MED16: variants seen among roughly 807,000 people sequenced by gnomAD.
MED16 encodes mediator of RNA polymerase II transcription subunit 16.
In MED16, 81 loss-of-function variants were observed where a neutral mutation model predicts 84.4. The ratio of observed to expected loss-of-function variants is 0.96; its 90% CI spans 0.80 to 1.15. MED16 has a LOEUF of 1.15. MED16 is among the 50% of genes most tolerant of loss of function. The pLI, the probability that MED16 is intolerant of heterozygous loss-of-function variation, is 0.00. For synonymous variants in MED16, 897 were observed against 552.2 expected, an observed-to-expected ratio of 1.62 and a Z score of -8.76; for missense variants, 1,585 against 1,245.9, an observed-to-expected ratio of 1.27 and a Z score of -4.10.
At chr19:875,024 C>T (rs892551216) in intron 10 of MED16, among the ~76,000 whole-genome samples, 2 of 148,722 alleles carry the variant, frequency 1.3e-5, no homozygotes, top group East Asian at 2.0e-4. Context: ...ATCAGCCGGG[C>T]GTGGTGGCAC....
At position 871,914 on chromosome 19, in the gene MED16, G is replaced by A. The variant is rs533797832; in HGVS notation, c.2098+12C>T. The A allele has an allele frequency of 3.9e-6, 6 of 1,523,530 alleles. No homozygotes were observed. Among genetic ancestry groups the A allele is most frequent in the Non-Finnish European group, 4.4e-6 (5 of 1,143,802 alleles). The allele number at this position is 1,523,530 out of a possible 1,614,324, so 94.4% of individuals were successfully genotyped here. On this transcript the variant is annotated intron_variant, in intron 12 of 15. Transcript: ENST00000325464. The stretch of plus-strand genomic sequence containing the variant: ...AGCGGGGAGAGGGGAGGGGCGGGCG[G>A]GGGTGCCTCACAGCAGATCCAGAGC...
intron 9 of MED16, among the ~76,000 whole-genome samples, chr19:876,403 C>T (rs1177286394): frequency 1.3e-5 from 2 of 152,136 alleles, no homozygotes; most frequent in African/African-American, 2.4e-5. Flanking sequence ...TGAGGCCTCA[C>T]ACCACAGGGC....
rs528923158 is a variant in MED16 at position 875,802 on chromosome 19, C to A, written c.1561-348G>T. Among the ~76,000 whole-genome samples, 22 of 152,250 alleles carry A rather than the reference C, an allele frequency of 1.4e-4. No individual in the cohort carries two copies. In the South Asian group the frequency reaches 4.6e-3, roughly 32 times the overall value. On this transcript the variant is annotated intron_variant, in intron 9 of 15. Transcript: ENST00000325464. Reference sequence around the variant, plus strand: ...ACCCCCATCCCAGAGGCTGCTCCAGCCCCCGATGTCTGTGGTGCCTACGGG... The same window carrying A: ...ACCCCCATCCCAGAGGCTGCTCCAGACCCCGATGTCTGTGGTGCCTACGGG...
intron 8 of MED16, 74 bp from the exon 9 acceptor site, chr19:877,254 T>G: frequency 1.4e-6 from 2 of 1,447,210 alleles, no homozygotes; most frequent in African/African-American, 1.4e-5. Flanking sequence ...AATGGGGCCC[T>G]GGGGCTGCGG....
chr19:868,098 C>A lies in MED16; in HGVS notation c.*3G>T, dbSNP rs771376202. On this transcript the variant is annotated 3_prime_UTR_variant, in exon 16 of 16. Coordinates refer to ENST00000325464, the MANE Select transcript of MED16 (RefSeq NM_005481.3). Reference sequence around the variant, plus strand: ...CCACAAGGTCCGCCTGGACCCCCGGCCGTCACGGACGGTCCTCTGGATGCA... The same window carrying A: ...CCACAAGGTCCGCCTGGACCCCCGGACGTCACGGACGGTCCTCTGGATGCA... 1.2e-6 allele frequency: 2 copies of A among 1,600,514 alleles called. No individual in the cohort carries two copies. The highest frequency in any genetic ancestry group is 1.8e-5 in the Admixed American group (1 of 56,224).
rs2930895 is a variant in MED16, at chr19:893,080, A to G, written c.-19+6T>C. Reference sequence around the variant, plus strand: ...CCTCGCCGGGCCCCCGCAGCCCCGCACTCACCTGGTCGGCCCGTGCGCCAA... The same window carrying G: ...CCTCGCCGGGCCCCCGCAGCCCCGCGCTCACCTGGTCGGCCCGTGCGCCAA... On this transcript the variant is annotated splice_donor_region_variant and intron_variant, in intron 1 of 15. Coordinates refer to ENST00000325464, the MANE Select transcript of MED16 (RefSeq NM_005481.3). The G allele has an allele frequency of 0.47, 71,340 of 152,306 alleles. 17,795 individuals carry two copies. Among genetic ancestry groups the G allele is most frequent in the Non-Finnish European group, 0.55 (37,406 of 68,028 alleles). The allele number at this position is 152,306 out of a possible 1,614,324, so 9.4% of individuals were successfully genotyped here.
Position 871,263 on chromosome 19 carries a change from G to A in MED16, c.2099-10C>T, listed in dbSNP as rs200174652. ...GGGCCCTCATCGCGACCTGCGGAGAGAGGTGGCGGAAGTCTCAGCACCCCT... is the reference window on the plus strand; with the variant it reads ...GGGCCCTCATCGCGACCTGCGGAGAAAGGTGGCGGAAGTCTCAGCACCCCT... On this transcript the variant is annotated splice_polypyrimidine_tract_variant and intron_variant, in intron 12 of 15. Coordinates refer to ENST00000325464, the MANE Select transcript of MED16 (RefSeq NM_005481.3). 12 of 1,528,482 alleles carry A rather than the reference G, an allele frequency of 7.9e-6. No individual in the cohort carries two copies. The African/African-American group carries it at 1.2e-4, about 16-fold the overall frequency. The allele number at this position is 1,528,482 out of a possible 1,614,324, so 94.7% of individuals were successfully genotyped here.
Position 886,189 on chromosome 19 carries a change from T to C in MED16, c.460A>G (p.Ser154Gly). ...ACTCGGGAGAACTTCTCCCCGAAGCTGGAGGCGCCCGACTGTGGAGAAGGG... is the reference window on the plus strand; with the variant it reads ...ACTCGGGAGAACTTCTCCCCGAAGCCGGAGGCGCCCGACTGTGGAGAAGGG... ...ALHVEKSGAS[S>G]FGEKFSRVKF... The change falls in exon 5 of 16, where the codon AGC becomes GGC. Residue 154 changes from serine (S) to glycine (G), a missense_variant. By Grantham distance (56) the Ser-to-Gly change is moderately conservative. Coordinates refer to ENST00000325464, the MANE Select transcript of MED16 (RefSeq NM_005481.3). The C allele has an allele frequency of 4.0e-6, 6 of 1,512,120 alleles. No homozygotes were observed. Among genetic ancestry groups the C allele is most frequent in the South Asian group, 1.3e-5 (1 of 78,656 alleles). 93.7% of individuals were successfully genotyped at this position (1,512,120 alleles called of 1,614,324 possible). A position where few individuals can be genotyped will look rare whatever the true frequency, so the allele number is the denominator to read the frequency against.
At chr19:890,473 C>T (rs1319583390) in intron 2 of MED16, 2 of 448,482 alleles carry the variant, frequency 4.5e-6, no homozygotes. Context: ...AAGAAAATGA[C>T]TCCGAAATGT....
rs562329796 is a variant in MED16 at position 868,538 on chromosome 19, G to A, written c.2400-39C>T. 2.4e-5 allele frequency: 38 copies of A among 1,602,752 alleles called. No homozygotes were observed. The African/African-American group carries it at 2.5e-4, about 11-fold the overall frequency. On this transcript the variant is annotated intron_variant, in intron 14 of 15. Coordinates refer to ENST00000325464, the MANE Select transcript of MED16 (RefSeq NM_005481.3). ...GGCACTGAGCGGGTTCCCACTTCCA[G>A]GCGGGCCTCCCTTACGCCTGCCCCA...
chr19:889,154 C>T (rs889646869), intron 4 of MED16, among the ~76,000 whole-genome samples: 2 of 142,182 alleles, frequency 1.4e-5, no homozygotes, highest in African/African-American at 5.6e-5. Flanking sequence ...TTAACTGTCC[C>T]CCCCAACCCT....
intron 2 of MED16, 179 bp from the exon 3 acceptor site, chr19:890,423 C>T: frequency 1.9e-6 from 1 of 515,756 alleles, no homozygotes; most frequent in Non-Finnish European, 3.4e-6. Context: ...ACAGAGCAGG[C>T]CTGTGAGGCG....
intron 13 of MED16, among the ~76,000 whole-genome samples, chr19:870,230 G>A (rs571149157): frequency 2.5e-4 from 38 of 152,278 alleles, no homozygotes; most frequent in African/African-American, 8.2e-4. Flanking sequence ...GGCTAAGGCA[G>A]GGCGCCCTGT....
chr19:887,370 TAAA>T (rs960212726), intron 4 of MED16, among the ~76,000 whole-genome samples: 23 of 152,066 alleles, frequency 1.5e-4, no homozygotes, highest in South Asian at 1.0e-3. Flanking sequence ...TTAATGTAAT[TAAA>T]AAACAAAAAT....
rs532764026 is a variant in MED16 at position 868,581 on chromosome 19, G to A, written c.2400-82C>T. 4 of 1,551,200 alleles carry A rather than the reference G, an allele frequency of 2.6e-6. No individual in the cohort carries two copies. In the South Asian group the frequency reaches 3.4e-5, roughly 13 times the overall value. ...CTGCCCCACTTTTGCTTCCAGGCAGGTCTCCCTCTGCTCGCCGTCCCTCAC... is the reference window on the plus strand; with the variant it reads ...CTGCCCCACTTTTGCTTCCAGGCAGATCTCCCTCTGCTCGCCGTCCCTCAC... On this transcript the variant is annotated intron_variant, in intron 14 of 15. Transcript: ENST00000325464.
rs866437536 is a variant in MED16 at position 873,000 on chromosome 19, T to G, written c.1905+449A>C. The G allele has an allele frequency of 6.3e-3, 518 of 82,000 alleles. 23 individuals carry two copies. The highest frequency in any genetic ancestry group is 0.021 in the Middle Eastern group (4 of 194). 5.1% of individuals were successfully genotyped at this position (82,000 alleles called of 1,614,324 possible). On this transcript the variant is annotated intron_variant, in intron 11 of 15. Transcript: ENST00000325464. ...TCCGAGGTGGGGGAGGGCTCCGAGGTGGGGGAGGGCTCCGAGGTGGGGCAG... is the reference window on the plus strand; with the variant it reads ...TCCGAGGTGGGGGAGGGCTCCGAGGGGGGGGAGGGCTCCGAGGTGGGGCAG...
chr19:871,376 G>T, intron 12 of MED16, 123 bp from the exon 13 acceptor site: 1 of 1,318,786 alleles, frequency 7.6e-7, no homozygotes, highest in African/African-American at 1.5e-5. Context: ...CTGTCTGCCT[G>T]GCTGGGTGAC....
chr19:882,951 C>A (rs150528593), intron 6 of MED16, among the ~76,000 whole-genome samples: 1 of 152,222 alleles, frequency 6.6e-6, no homozygotes, highest in Non-Finnish European at 1.5e-5. Flanking sequence ...CCAGAGGGCA[C>A]ACAGTGGTCA....
intron 4 of MED16, among the ~76,000 whole-genome samples, chr19:889,368 C>T (rs2036587983): frequency 6.6e-6 from 1 of 152,156 alleles, no homozygotes; most frequent in South Asian, 2.1e-4. Flanking sequence ...TCACTAAGAA[C>T]GGCCACCCTC....
Sources: allele counts gnomAD v4.1 joint callset (sites outside exome capture counted in the v4.1 genomes callset), GRCh38; gene constraint gnomAD v4.1.1; transcripts MANE v1.5; gene names NCBI Gene and HGNC (gene_info 2026-07-23, HGNC 2026-07-21).